Variants in BIRC6 observed in about 807,000 individuals in gnomAD.
BIRC6 encodes the protein dual E2 ubiquitin-conjugating enzyme/E3 ubiquitin-protein ligase BIRC6.
Under a neutral mutation model 503.3 loss-of-function variants are expected in BIRC6, and 98 were observed. The observed-to-expected ratio is 0.19, with a 90% confidence interval of 0.17 to 0.23. The LOEUF (loss-of-function observed/expected upper bound fraction) is 0.23, where lower values mean the gene tolerates loss of function less well. Ranked by LOEUF, BIRC6 falls within the 10% of genes least tolerant of loss-of-function variation. The pLI, the probability that BIRC6 is intolerant of heterozygous loss-of-function variation, is 1.00. For missense variants in BIRC6, 5,360 were observed against 5,806.0 expected (o/e 0.92, Z 2.50); for synonymous variants, 2,240 against 2,078.7 (o/e 1.08, Z -2.11).
At chr2:32,460,268 ATATATTTT>A (rs1453253329) in intron 23 of BIRC6, among the ~76,000 whole-genome samples, 8 of 25,996 alleles carry the variant, frequency 3.1e-4, no homozygotes, top group Non-Finnish European at 2.8e-4. Context: ...ATATATATAT[ATATATTTT>A]TTTTTTTTTT....
At chr2:32,520,284 T>G (rs1484632294) in intron 57 of BIRC6, among the ~76,000 whole-genome samples, 1 of 152,244 alleles carries the variant, frequency 6.6e-6, no homozygotes, top group Non-Finnish European at 1.5e-5. Flanking sequence ...GATTGTTTTC[T>G]GCTTCACAAT....
intron 3 of BIRC6, among the ~76,000 whole-genome samples, chr2:32,386,629 G>A (rs564142644): frequency 6.6e-6 from 1 of 152,110 alleles, no homozygotes; most frequent in East Asian, 1.9e-4. Flanking sequence ...TAGTAGAGAT[G>A]AGATCTTGCT....
intron 23 of BIRC6, among the ~76,000 whole-genome samples, chr2:32,456,242 G>C (rs544343639): frequency 1.3e-5 from 2 of 152,308 alleles, no homozygotes; most frequent in South Asian, 4.1e-4. Flanking sequence ...CAGTGGTTGA[G>C]TAAGGTCTGT....
In BIRC6 at chr2:32,515,720, T is replaced by C. The variant is rs2054957815; in HGVS notation, c.11299T>C (p.Phe3767Leu). Residue 3767 changes from phenylalanine (F) to leucine (L), a missense_variant, in exon 55 of 74, where the codon TTT (phenylalanine) becomes CTT (leucine). By Grantham distance (22) the Phe-to-Leu change is conservative. Around this residue, in one of 16 missense-constraint regions of BIRC6, gnomAD observed 878 missense variants for 928.9 expected, o/e 0.95. Coordinates refer to ENST00000421745, the MANE Select transcript of BIRC6 (RefSeq NM_016252.4). The part of the protein sequence containing the change: ...TAIENATVAF[F>L]LQCISCHPNN... ...AATTGAGAATGCAACTGTTGCGTTCTTTCTACAGTGCATTTCATGCCATCC... is the reference window on the plus strand; with the variant it reads ...AATTGAGAATGCAACTGTTGCGTTCCTTCTACAGTGCATTTCATGCCATCC... 1 of 1,601,660 alleles carries C rather than the reference T, an allele frequency of 6.2e-7. No homozygotes were observed. The highest frequency in any genetic ancestry group is 8.5e-7 in the Non-Finnish European group (1 of 1,179,812).
At position 32,515,668 on chromosome 2, in the gene BIRC6, A is replaced by G; in HGVS notation, c.11247A>G (p.Thr3749=). The G allele has an allele frequency of 6.2e-7, 1 of 1,608,560 alleles. No individual in the cohort carries two copies. Among genetic ancestry groups the G allele is most frequent in the Non-Finnish European group, 8.5e-7 (1 of 1,179,866 alleles). Residue 3749 remains threonine (T), a synonymous_variant, in exon 55 of 74, where the codon ACA becomes ACG. Coordinates refer to ENST00000421745, the MANE Select transcript of BIRC6 (RefSeq NM_016252.4). Reference sequence around the variant, plus strand: ...CTTCTCTTTCTTCAGCTGCTACAACAGGACTGACTACTCAACAGCGCACAG... The same window carrying G: ...CTTCTCTTTCTTCAGCTGCTACAACGGGACTGACTACTCAACAGCGCACAG... ...RSASLSSAAT[T]GLTTQQRTAI...
intron 10 of BIRC6, among the ~76,000 whole-genome samples, chr2:32,425,920 C>T (rs2043438577): frequency 6.6e-6 from 1 of 152,252 alleles, no homozygotes; most frequent in Non-Finnish European, 1.5e-5. Context: ...CACTTTCCCC[C>T]ACAGCTGTGT....
At chr2:32,474,998 C>G (rs1468802603) in intron 33 of BIRC6, among the ~76,000 whole-genome samples, 1 of 151,330 alleles carries the variant, frequency 6.6e-6, no homozygotes, top group African/African-American at 2.4e-5. Context: ...TCAGTTGGCA[C>G]CAGGAGTTCA....
In BIRC6 at chr2:32,597,840, G is replaced by A; in HGVS notation, c.13702G>A (p.Asp4568Asn). The A allele has an allele frequency of 6.2e-7, 1 of 1,613,806 alleles. No homozygotes were observed. Among genetic ancestry groups the A allele is most frequent in the South Asian group, 1.1e-5 (1 of 91,074 alleles). Residue 4568 changes from aspartate (D) to asparagine (N), a missense_variant, in exon 69 of 74, where the codon GAT (aspartate) becomes AAT (asparagine). Physicochemically the swap from Asp to Asn is conservative, Grantham distance 23 (BLOSUM62 1). Around this residue, in one of 16 missense-constraint regions of BIRC6, gnomAD observed 477 missense variants for 574.4 expected, o/e 0.83. Transcript: ENST00000421745. ...CATGTCTCAGGTGAAAAATGCTAATGATGCGAACAGTGCTGCCAGAGCTCG... is the reference window on the plus strand; with the variant it reads ...CATGTCTCAGGTGAAAAATGCTAATAATGCGAACAGTGCTGCCAGAGCTCG... ...HYMSQVKNAN[D>N]ANSAARARRL...
At position 32,469,416 on chromosome 2, in the gene BIRC6, T is replaced by C; in HGVS notation, c.6149T>C (p.Leu2050Ser). The change falls in exon 30 of 74, where the codon TTG becomes TCG. Residue 2050 changes from leucine (L) to serine (S), a missense_variant. Transcript: ENST00000421745. ...ASNGHSVPAV[L>S]QSTFHAQACE... ...ATAGGACACTCTGTTCCTGCAGTTTTGCAGAGCACATTTCATGCCCAGGCC... is the reference window on the plus strand; with the variant it reads ...ATAGGACACTCTGTTCCTGCAGTTTCGCAGAGCACATTTCATGCCCAGGCC... The C allele has an allele frequency of 6.2e-7, 1 of 1,613,552 alleles. No individual in the cohort carries two copies.
intron 69 of BIRC6, among the ~76,000 whole-genome samples, 158 bp downstream of exon 69, chr2:32,598,126 ACC>A (rs1553526428): frequency 2.2e-5 from 2 of 90,984 alleles, no homozygotes; most frequent in Non-Finnish European, 2.2e-5. Flanking sequence ...GAGCCTCCCC[ACC>A]CCTCCCCCCC....
At chr2:32,562,137 T>C (rs2059236688) in intron 65 of BIRC6, among the ~76,000 whole-genome samples, 1 of 152,212 alleles carries the variant, frequency 6.6e-6, no homozygotes, top group African/African-American at 2.4e-5. Context: ...TTTTTCCCCT[T>C]CTCTTCCTTA....
At position 32,415,265 on chromosome 2, in the gene BIRC6, T is replaced by A; in HGVS notation, c.1974T>A (p.His658Gln). The A allele has an allele frequency of 6.2e-7, 1 of 1,614,022 alleles. No individual in the cohort carries two copies. The highest frequency in any genetic ancestry group is 8.5e-7 in the Non-Finnish European group (1 of 1,179,882). ...QMNNIMSKSL[H>Q]DDGFTVPQII... is the part of the protein sequence containing the mutation. Reference sequence around the variant, plus strand: ...ACAATATTATGAGTAAAAGTTTGCATGATGATGGTTTTACTGTTCCACAGA... The same window carrying A: ...ACAATATTATGAGTAAAAGTTTGCAAGATGATGGTTTTACTGTTCCACAGA... The change falls in exon 10 of 74, where the codon CAT becomes CAA. Residue 658 changes from histidine (H) to glutamine (Q), a missense_variant. This residue lies in a region of BIRC6 where 700 missense variants were observed against 739.3 expected (regional missense o/e 0.95). Transcript: ENST00000421745.
intron 1 of BIRC6, among the ~76,000 whole-genome samples, chr2:32,372,717 C>A (rs2036159457): frequency 6.6e-6 from 1 of 151,998 alleles, no homozygotes; most frequent in South Asian, 2.1e-4. Flanking sequence ...GTAGTCCCAG[C>A]TACTTGGGAG....
chr2:32,367,516 C>T (rs775037489), intron 1 of BIRC6, among the ~76,000 whole-genome samples: 1 of 151,684 alleles, frequency 6.6e-6, no homozygotes, highest in African/African-American at 2.4e-5. Context: ...GCTGGGACAG[C>T]GCTGTTAAAA....
intron 1 of BIRC6, among the ~76,000 whole-genome samples, chr2:32,369,948 ATATATAT>A (rs1558541191): frequency 3.9e-3 from 93 of 23,790 alleles, no homozygotes; most frequent in African/African-American, 0.013. Context: ...AAAAAAAAAT[ATATATAT>A]ATATATATAT....
At chr2:32,600,985 T>C (rs773451467) in intron 70 of BIRC6, among the ~76,000 whole-genome samples, 48 of 152,156 alleles carry the variant, frequency 3.2e-4, no homozygotes, top group Non-Finnish European at 5.4e-4. Flanking sequence ...ACAAACAATA[T>C]AGCTAATGAA....
At position 32,509,992 on chromosome 2, in the gene BIRC6, C is replaced by G; in HGVS notation, c.10235C>G (p.Thr3412Arg). ...TGTGCAGCATCAGGCAGTGATCCTA[C>G]AGGTGATAATTAACTTTGATATTTA... ...RNCAASGSDP[T>R]DLNSPLLFGR... Residue 3412 changes from threonine (T) to arginine (R), a missense_variant and splice_region_variant, in exon 52 of 74, where the codon ACA (threonine) becomes AGA (arginine). Thr to Arg is a moderately conservative substitution (Grantham distance 71). This residue lies in a region of BIRC6 where 878 missense variants were observed against 928.9 expected (regional missense o/e 0.95). Transcript: ENST00000421745. The G allele has an allele frequency of 6.2e-7, 1 of 1,613,060 alleles. No homozygotes were observed. Among genetic ancestry groups the G allele is most frequent in the Non-Finnish European group, 8.5e-7 (1 of 1,179,630 alleles).
At chr2:32,461,009 T>G (rs1325648845) in intron 23 of BIRC6, among the ~76,000 whole-genome samples, 1 of 35,856 alleles carries the variant, frequency 2.8e-5, no homozygotes. Flanking sequence ...TCTCTTCTCT[T>G]CTCTTCTCTT....
rs374346131 is a variant in BIRC6, at chr2:32,525,534, A to G, written c.11826A>G (p.Thr3942=). 1 of 1,613,888 alleles carries G rather than the reference A, an allele frequency of 6.2e-7. No individual in the cohort carries two copies. The highest frequency in any genetic ancestry group is 1.3e-5 in the African/African-American group (1 of 74,946). The change falls in exon 59 of 74, where the codon ACA becomes ACG. Residue 3942 remains threonine (T), a synonymous_variant. Coordinates refer to ENST00000421745, the MANE Select transcript of BIRC6 (RefSeq NM_016252.4). ...GCCCACCATCCAGGAGGGGGAGGAC[A>G]ATACCTGATAAAATAGGAAGTACTT... is the stretch of plus-strand genomic sequence containing the variant. ...PPRPPSRRGR[T]IPDKIGSTSG...
Sources: gnomAD v4.1 joint callset for allele counts (sites outside exome capture counted in the v4.1 genomes callset) on GRCh38, gnomAD v4.1.1 for gene constraint, gnomAD v4.1.1 regional missense constraint, MANE v1.5 for transcripts, NCBI Gene and HGNC (gene_info 2026-07-23, HGNC 2026-07-21) for gene names.